MCM3AP: variants seen among roughly 807,000 people sequenced by gnomAD.
MCM3AP encodes the protein minichromosome maintenance complex component 3 associated protein.
MCM3AP carries 126 observed loss-of-function variants against 184.1 expected under a neutral mutation model. The ratio of observed to expected loss-of-function variants is 0.68; its 90% CI spans 0.59 to 0.79. MCM3AP has a LOEUF of 0.79. Ranked by LOEUF, MCM3AP falls within the 30% of genes least tolerant of loss-of-function variation. MCM3AP has a pLI of 0.00. For missense variants in MCM3AP, 2,496 were observed against 2,479.2 expected, an observed-to-expected ratio of 1.01 and a Z score of -0.14; for synonymous variants, 1,002 against 979.3, an observed-to-expected ratio of 1.02 and a Z score of -0.43.
At position 46,246,331 on chromosome 21, in the gene MCM3AP, A is replaced by C; in HGVS notation, c.4623T>G (p.Ile1541Met). The change falls in exon 22 of 28, where the codon ATT becomes ATG. Residue 1541 changes from isoleucine (I) to methionine (M), a missense_variant. Ile to Met is a conservative substitution (Grantham distance 10). Coordinates refer to ENST00000291688, the MANE Select transcript of MCM3AP (RefSeq NM_003906.5). The stretch of plus-strand genomic sequence containing the variant: ...CCTTAGTTGAACCTTGTAGATCATT[A>C]ATGGTATCAGGGATCTCGGTAACAG... ...DYTVTEIPDT[I>M]NDLQGSTKVL... The C allele has an allele frequency of 6.2e-7, 1 of 1,609,432 alleles. No homozygotes were observed. Among genetic ancestry groups the C allele is most frequent in the Non-Finnish European group, 8.5e-7 (1 of 1,175,624 alleles).
chr21:46,264,811 T>G (rs2081088332), intron 12 of MCM3AP, among the ~76,000 whole-genome samples: 1 of 151,500 alleles, frequency 6.6e-6, no homozygotes, highest in Admixed American at 6.6e-5. Context: ...GCCATGCCCA[T>G]CAGGGGGCAC....
rs2123828024 is a variant in MCM3AP, at chr21:46,245,087, G to A, written c.4758C>T (p.Gly1586=). The change falls in exon 23 of 28, where the codon GGC becomes GGT. Residue 1586 remains glycine, a synonymous_variant. Coordinates refer to ENST00000291688, the MANE Select transcript of MCM3AP (RefSeq NM_003906.5). ...TCTCTCTTCTGTCATGGAAAAAGCG[G>A]CCACTAAACTCATGGCCAATCCCGT... is the stretch of plus-strand genomic sequence containing the variant. ...VEDGIGHEFS[G]RFFHDRRERR... 2 of 1,614,228 alleles carry A rather than the reference G, an allele frequency of 1.2e-6. No individual in the cohort carries two copies. Among genetic ancestry groups the A allele is most frequent in the Non-Finnish European group, 1.7e-6 (2 of 1,180,036 alleles).
chr21:46,280,142 G>A lies in MCM3AP; in HGVS notation c.1523-5C>T. 6.2e-7 allele frequency: 1 copy of A among 1,613,776 alleles called. No individual in the cohort carries two copies. Among genetic ancestry groups the A allele is most frequent in the Non-Finnish European group, 8.5e-7 (1 of 1,179,904 alleles). On this transcript the variant is annotated splice_region_variant and splice_polypyrimidine_tract_variant and intron_variant, in intron 3 of 27. Coordinates refer to ENST00000291688, the MANE Select transcript of MCM3AP (RefSeq NM_003906.5). ...AAAAGGGTTTCTTATTGGGGCCTGTGGACATAGGAGGCAGAAAAGAGTTTA... is the reference window on the plus strand; with the variant it reads ...AAAAGGGTTTCTTATTGGGGCCTGTAGACATAGGAGGCAGAAAAGAGTTTA...
At chr21:46,237,520 G>A (rs2048482986) in intron 26 of MCM3AP, among the ~76,000 whole-genome samples, 2 of 55,982 alleles carry the variant, frequency 3.6e-5, no homozygotes, top group South Asian at 4.7e-4. Flanking sequence ...TCTCACCTCA[G>A]CCTCCCAAAT....
chr21:46,285,354 G>T lies in MCM3AP; in HGVS notation c.-68C>A. ...CAAAATTAATTGGCTTCCTGAAACAGCCTGTAGCACTAGGGAGTTCCCCTT... is the reference window on the plus strand; with the variant it reads ...CAAAATTAATTGGCTTCCTGAAACATCCTGTAGCACTAGGGAGTTCCCCTT... On this transcript the variant is annotated 5_prime_UTR_variant, in exon 1 of 28. It adds an upstream start codon to the 5' untranslated region. Transcript: ENST00000291688. 1 of 1,068,670 alleles carries T rather than the reference G, an allele frequency of 9.4e-7. No homozygotes were observed. Among genetic ancestry groups the T allele is most frequent in the Non-Finnish European group, 1.4e-6 (1 of 708,420 alleles). The allele number at this position is 1,068,670 out of a possible 1,614,324, so 66.2% of individuals were successfully genotyped here.
rs143380178 is a variant in MCM3AP, at chr21:46,251,590, G to C, written c.4229C>G (p.Ser1410Trp). The change falls in exon 20 of 28, where the codon TCG (serine) becomes TGG (tryptophan). Residue 1410 changes from serine to tryptophan, a missense_variant. This residue lies in a region of MCM3AP where 1,323 missense variants were observed against 1,273.4 expected (regional missense o/e 1.04). Transcript: ENST00000291688. ...SSDAGGIQTL[S>W]LFNSLSSKGD... ...TTTGCTGCTAAGTGAGTTGAAAAGCGAAAGCGTCTGAATCCCACCAGCATC... is the reference window on the plus strand; with the variant it reads ...TTTGCTGCTAAGTGAGTTGAAAAGCCAAAGCGTCTGAATCCCACCAGCATC... The C allele has an allele frequency of 6.2e-7, 1 of 1,612,518 alleles. No homozygotes were observed. Among genetic ancestry groups the C allele is most frequent in the African/African-American group, 1.3e-5 (1 of 74,898 alleles).
chr21:46,245,059 G>A lies in MCM3AP; in HGVS notation c.4786C>T (p.Arg1596Cys), dbSNP rs768179278. 14 of 1,614,078 alleles carry A rather than the reference G, an allele frequency of 8.7e-6. No individual in the cohort carries two copies. Among genetic ancestry groups the A allele is most frequent in the Admixed American group, 6.7e-5 (4 of 60,000 alleles). ...GRFFHDRRER[R>C]LGGLASQEPG... is the part of the protein sequence containing the mutation. The stretch of plus-strand genomic sequence containing the variant: ...TCCTGAGAAGCAAGACCGCCCAGAC[G>A]CCTCTCTCTTCTGTCATGGAAAAAG... The change falls in exon 23 of 28, where the codon CGT becomes TGT. Residue 1596 changes from arginine to cysteine, a missense_variant. By Grantham distance (180) the Arg-to-Cys change is radical (BLOSUM62 -3). Transcript: ENST00000291688.
At chr21:46,236,567 C>T (rs1285401377) in intron 27 of MCM3AP, among the ~76,000 whole-genome samples, 1 of 152,224 alleles carries the variant, frequency 6.6e-6, no homozygotes, top group African/African-American at 2.4e-5. Flanking sequence ...CTTAATTACA[C>T]ATCAGCACAC....
At chr21:46,254,725 T>G (rs2080921918) in intron 18 of MCM3AP, 51 bp downstream of exon 18, 9 of 1,550,842 alleles carry the variant, frequency 5.8e-6, no homozygotes, top group African/African-American at 1.4e-5. Flanking sequence ...TGTGACAGAT[T>G]GGGGAACGGG....
In MCM3AP at chr21:46,242,826, T is replaced by C; in HGVS notation, c.5402A>G (p.Lys1801Arg). The change falls in exon 25 of 28, where the codon AAG (lysine) becomes AGG (arginine). Residue 1801 changes from lysine to arginine, a missense_variant. Lys to Arg is a conservative substitution (Grantham distance 26). Around this residue, in one of 5 missense-constraint regions of MCM3AP, gnomAD observed 1,323 missense variants for 1,273.4 expected, o/e 1.04. Coordinates refer to ENST00000291688, the MANE Select transcript of MCM3AP (RefSeq NM_003906.5). ...CCGTCCCTCTCTCAGCTGTAGCTCCTTCTGCGTCTGCAACCTGGCTTGTTC... is the reference window on the plus strand; with the variant it reads ...CCGTCCCTCTCTCAGCTGTAGCTCCCTCTGCGTCTGCAACCTGGCTTGTTC... Reference protein sequence around the residue: ...SWEQARLQTQKELQLREGRLA... With the variant: ...SWEQARLQTQRELQLREGRLA... 1 of 1,612,252 alleles carries C rather than the reference T, an allele frequency of 6.2e-7. No individual in the cohort carries two copies. Among genetic ancestry groups the C allele is most frequent in the Non-Finnish European group, 8.5e-7 (1 of 1,179,390 alleles).
chr21:46,264,290 C>T, intron 12 of MCM3AP, 73 bp from the exon 13 acceptor site: 1 of 959,142 alleles, frequency 1.0e-6, no homozygotes, highest in Non-Finnish European at 1.6e-6. Flanking sequence ...CATGTTGTCA[C>T]CGGACAGTCT....
At chr21:46,247,722 C>A (rs1393388366) in intron 20 of MCM3AP, 1 of 152,114 alleles carries the variant, frequency 6.6e-6, no homozygotes, top group Non-Finnish European at 1.5e-5. Flanking sequence ...GTGCAAGAAA[C>A]AGCCAGGTCA....
chr21:46,244,260 A>G (rs1450311863), intron 23 of MCM3AP, among the ~76,000 whole-genome samples: 1 of 152,262 alleles, frequency 6.6e-6, no homozygotes, highest in Non-Finnish European at 1.5e-5. Context: ...GAGCAGCCCC[A>G]TGCCATACTG....
chr21:46,275,173 T>TG lies in MCM3AP; in HGVS notation c.1998+12dup. 6.2e-7 allele frequency: 1 copy of TG among 1,609,162 alleles called. No homozygotes were observed. Among genetic ancestry groups the TG allele is most frequent in the Non-Finnish European group, 8.5e-7 (1 of 1,178,378 alleles). On this transcript the variant is annotated intron_variant, in intron 6 of 27. Coordinates refer to ENST00000291688, the MANE Select transcript of MCM3AP (RefSeq NM_003906.5). ...CCCCTGCCCACACTCCACGGGGAGATGCAGGGCTCTACCTGGTCAGTCCCT... is the reference window on the plus strand; with the variant it reads ...CCCCTGCCCACACTCCACGGGGAGATGGCAGGGCTCTACCTGGTCAGTCCCT...
At chr21:46,243,791 T>C in intron 23 of MCM3AP, 69 bp from the exon 24 acceptor site, 1 of 1,517,672 alleles carries the variant, frequency 6.6e-7, no homozygotes, top group Non-Finnish European at 8.9e-7. Context: ...ATGAAAACAT[T>C]TTCTCAGGAG....
rs754995707 is a variant in MCM3AP at position 46,243,739 on chromosome 21, T to C, written c.5039-17A>G. ...GCCAGGGGGCTGGGGAGAAAGTGCCTCATTAGTTACAGGTTTGGCCAAAAT... is the reference window on the plus strand; with the variant it reads ...GCCAGGGGGCTGGGGAGAAAGTGCCCCATTAGTTACAGGTTTGGCCAAAAT... On this transcript the variant is annotated splice_polypyrimidine_tract_variant and intron_variant, in intron 23 of 27. Coordinates refer to ENST00000291688, the MANE Select transcript of MCM3AP (RefSeq NM_003906.5). 1 of 1,612,110 alleles carries C rather than the reference T, an allele frequency of 6.2e-7. No individual in the cohort carries two copies. The highest frequency in any genetic ancestry group is 1.3e-5 in the African/African-American group (1 of 74,988).
chr21:46,244,118 G>A (rs889088675), intron 23 of MCM3AP, among the ~76,000 whole-genome samples: 1 of 152,260 alleles, frequency 6.6e-6, no homozygotes, highest in African/African-American at 2.4e-5. Flanking sequence ...TCAATAATGA[G>A]CATGAGTTAG....
In MCM3AP at chr21:46,235,409, C is replaced by T. The variant is rs2080502847; in HGVS notation, c.5802G>A (p.Glu1934=). Residue 1934 remains glutamate (E), a synonymous_variant, in exon 28 of 28, where the codon GAG becomes GAA. Coordinates refer to ENST00000291688, the MANE Select transcript of MCM3AP (RefSeq NM_003906.5). The part of the protein sequence containing the change: ...TTSPQSDMMR[E]QLQLSEATGT... Reference sequence around the variant, plus strand: ...CTGTCGCCTCTGACAGCTGCAGTTGCTCCCTCATCATGTCACTCTATTTGA... The same window carrying T: ...CTGTCGCCTCTGACAGCTGCAGTTGTTCCCTCATCATGTCACTCTATTTGA... 1 of 1,614,068 alleles carries T rather than the reference C, an allele frequency of 6.2e-7. No homozygotes were observed. The highest frequency in any genetic ancestry group is 8.5e-7 in the Non-Finnish European group (1 of 1,179,982).
At position 46,236,861 on chromosome 21, in the gene MCM3AP, C is replaced by A. The variant is rs1197002756; in HGVS notation, c.5752G>T (p.Val1918Leu). ...CTAGTAGTTACAGATGTTTTCATCA[C>A]AGGTTCAATAGTGTGAGAAAGAGAC... The part of the protein sequence containing the change: ...LVSLSHTIEP[V>L]MKTSVTTSPQ... The change falls in exon 27 of 28, where the codon GTG (valine) becomes TTG (leucine). Residue 1918 changes from valine (V) to leucine (L), a missense_variant. Physicochemically the swap from Val to Leu is conservative, Grantham distance 32. Coordinates refer to ENST00000291688, the MANE Select transcript of MCM3AP (RefSeq NM_003906.5). 1 of 1,561,254 alleles carries A rather than the reference C, an allele frequency of 6.4e-7. No individual in the cohort carries two copies. Among genetic ancestry groups the A allele is most frequent in the Non-Finnish European group, 8.6e-7 (1 of 1,161,102 alleles).
Sources: gnomAD v4.1 joint callset for allele counts (sites outside exome capture counted in the v4.1 genomes callset) on GRCh38, gnomAD v4.1.1 for gene constraint, gnomAD v4.1.1 regional missense constraint, MANE v1.5 for transcripts, NCBI Gene and HGNC (gene_info 2026-07-23, HGNC 2026-07-21) for gene names.